The following PARL variants were observed in gnomAD, a reference collection of about 807,000 sequenced individuals.
The protein encoded by PARL is presenilin associated rhomboid like, also known as presenilin-associated rhomboid-like protein, mitochondrial.
PARL carries 44 observed loss-of-function variants against 51.6 expected under a neutral mutation model. The ratio of observed to expected loss-of-function variants is 0.85; its 90% confidence interval spans 0.67 to 1.10. The LOEUF (loss-of-function observed/expected upper bound fraction) is 1.10. PARL is among the 50% of genes least tolerant of loss of function. PARL has a pLI of 0.00. For synonymous variants in PARL, 172 were observed against 164.0 expected (o/e 1.05, Z -0.37); for missense variants, 441 against 469.5 (o/e 0.94, Z 0.56).
At chr3:183,841,108 T>C (rs1266603627) in intron 6 of PARL, among the ~76,000 whole-genome samples, 3 of 152,156 alleles carry the variant, frequency 2.0e-5, no homozygotes, top group Admixed American at 6.5e-5. Context: ...AAGAGTATAT[T>C]CTCTGGCTGT....
intron 4 of PARL, among the ~76,000 whole-genome samples, chr3:183,860,814 C>CT (rs11405513): frequency 0.46 from 58,802 of 126,708 alleles, 14,281 homozygotes; most frequent in Middle Eastern, 0.57. Context: ...AATTTCGTTA[C>CT]TTTTTTTTTT....
intron 4 of PARL, among the ~76,000 whole-genome samples, chr3:183,855,385 C>T (rs966976418): frequency 1.3e-5 from 2 of 152,142 alleles, no homozygotes; most frequent in African/African-American, 4.8e-5. Context: ...CCTCGGCCTC[C>T]TAAGTGCCAG....
intron 7 of PARL, among the ~76,000 whole-genome samples, chr3:183,834,528 G>A (rs963984379): frequency 2.0e-5 from 3 of 152,166 alleles, no homozygotes; most frequent in African/African-American, 7.2e-5. Context: ...GGTTCCATTT[G>A]CAAACTAATT....
chr3:183,837,138 C>T (rs1419078589), intron 7 of PARL, among the ~76,000 whole-genome samples: 1 of 152,222 alleles, frequency 6.6e-6, no homozygotes, highest in Non-Finnish European at 1.5e-5. Context: ...TCTGCTCCCT[C>T]TGCTTACAAA....
intron 7 of PARL, among the ~76,000 whole-genome samples, chr3:183,836,768 C>G (rs1295046368): frequency 6.6e-6 from 1 of 152,096 alleles, no homozygotes; most frequent in Non-Finnish European, 1.5e-5. Context: ...TTTTTTGAGA[C>G]AGAGTCTCGC....
intron 4 of PARL, among the ~76,000 whole-genome samples, chr3:183,851,942 T>C (rs1427214665): frequency 6.6e-6 from 1 of 152,146 alleles, no homozygotes; most frequent in African/African-American, 2.4e-5. Context: ...AGAGGATTAT[T>C]TGAGCCCAGG....
intron 6 of PARL, among the ~76,000 whole-genome samples, chr3:183,841,634 TTAAG>T (rs1436955171): frequency 2.0e-5 from 3 of 152,246 alleles, no homozygotes; most frequent in Non-Finnish European, 2.9e-5. Context: ...TTATATTGTA[TTAAG>T]TAAGTACATT....
chr3:183,866,784 AT>A lies in PARL; in HGVS notation c.322-20del. 1 of 1,525,572 alleles carries A rather than the reference AT, an allele frequency of 6.6e-7. No individual in the cohort carries two copies. Among genetic ancestry groups the A allele is most frequent in the Non-Finnish European group, 9.1e-7 (1 of 1,102,848 alleles). The allele number at this position is 1,525,572 out of a possible 1,614,324, so 94.5% of individuals were successfully genotyped here. A position where few individuals can be genotyped will look rare whatever the true frequency, so the allele number is the denominator to read the frequency against. On this transcript the variant is annotated intron_variant, in intron 2 of 9. Transcript: ENST00000317096. The stretch of plus-strand genomic sequence containing the variant: ...CTGTAAACTATATAAAATTAGATAT[AT>A]TACAAAATAGATTTAAGAGGGAAAT...
intron 7 of PARL, among the ~76,000 whole-genome samples, chr3:183,838,919 A>G (rs1314638303): frequency 6.6e-6 from 1 of 152,204 alleles, no homozygotes; most frequent in Non-Finnish European, 1.5e-5. Context: ...CATTCCTTTC[A>G]GTGTGTATTA....
intron 9 of PARL, among the ~76,000 whole-genome samples, chr3:183,832,163 T>C (rs1728013407): frequency 1.3e-5 from 2 of 152,166 alleles, no homozygotes; most frequent in Non-Finnish European, 2.9e-5. Flanking sequence ...ATAAATGGCA[T>C]AATGGCATTT....
At chr3:183,859,421 TC>T (rs1188711301) in intron 4 of PARL, among the ~76,000 whole-genome samples, 10 of 152,086 alleles carry the variant, frequency 6.6e-5, no homozygotes, top group Non-Finnish European at 1.3e-4. Flanking sequence ...CACTGCAACC[TC>T]TGCCTCCCAA....
intron 4 of PARL, among the ~76,000 whole-genome samples, chr3:183,859,651 T>C (rs1436458800): frequency 6.6e-6 from 1 of 152,148 alleles, no homozygotes; most frequent in Non-Finnish European, 1.5e-5. Flanking sequence ...AAAGGGGTTT[T>C]TTACCTCACC....
chr3:183,840,678 T>C, intron 6 of PARL, 38 bp from the exon 7 acceptor site: 9 of 1,002,778 alleles, frequency 9.0e-6, no homozygotes, highest in Non-Finnish European at 1.4e-5. Flanking sequence ...TTAAGTGAGG[T>C]ATAAAAATGG....
At chr3:183,846,815 G>A (rs760976209) in intron 4 of PARL, 3 of 168,680 alleles carry the variant, frequency 1.8e-5, no homozygotes, top group Non-Finnish European at 3.6e-5. Flanking sequence ...AATAAGAAAA[G>A]TGAAATGCAC....
Position 183,842,257 on chromosome 3 carries a change from G to A in PARL, c.757+41C>T, listed in dbSNP as rs765522424. ...TTGTCCGTTCTGCAGATAGCTTAGA[G>A]TGCTTATACTCTCAAAGGCCCCGAG... is the stretch of plus-strand genomic sequence containing the variant. On this transcript the variant is annotated intron_variant, in intron 6 of 9. Coordinates refer to ENST00000317096, the MANE Select transcript of PARL (RefSeq NM_018622.7). 3.8e-6 allele frequency: 6 copies of A among 1,588,654 alleles called. No homozygotes were observed. The African/African-American group carries it at 8.1e-5, about 21-fold the overall frequency.
chr3:183,864,738 TG>T (rs1732252730), intron 3 of PARL, among the ~76,000 whole-genome samples: 1 of 150,562 alleles, frequency 6.6e-6, no homozygotes. Flanking sequence ...ATCGCGCCAC[TG>T]CACTCCAGCC....
chr3:183,851,212 T>C (rs1239150602), intron 4 of PARL, among the ~76,000 whole-genome samples: 3 of 152,184 alleles, frequency 2.0e-5, no homozygotes, highest in African/African-American at 4.8e-5. Context: ...GAAGAAAACA[T>C]AGGTACACAT....
intron 4 of PARL, chr3:183,846,496 A>C: frequency 1.0e-6 from 1 of 985,116 alleles, no homozygotes; most frequent in Non-Finnish European, 1.2e-6. Context: ...TGTCTCAAAA[A>C]AAAAAAAAGC....
At chr3:183,876,966 C>A (rs1436051783) in intron 1 of PARL, among the ~76,000 whole-genome samples, 1 of 152,172 alleles carries the variant, frequency 6.6e-6, no homozygotes, top group African/African-American at 2.4e-5. Flanking sequence ...AATCCCAGTA[C>A]CCTGGGAGGC....
Sources: allele counts gnomAD v4.1 joint callset (sites outside exome capture counted in the v4.1 genomes callset), GRCh38; gene constraint gnomAD v4.1.1; transcripts MANE v1.5; gene names NCBI Gene and HGNC (gene_info 2026-07-23, HGNC 2026-07-21).